Variants in CCSER1 observed in about 807,000 individuals in gnomAD.
The protein encoded by CCSER1 is serine-rich coiled-coil domain-containing protein 1.
In CCSER1, 41 loss-of-function variants were observed where a neutral mutation model predicts 82.0. That is an observed-to-expected ratio of 0.50 (90% CI 0.39 to 0.65). The LOEUF (loss-of-function observed/expected upper bound fraction) is 0.65. Ranked by LOEUF, CCSER1 falls within the 30% of genes least tolerant of loss-of-function variation. The pLI is 0.00. For synonymous variants in CCSER1, 414 were observed against 383.9 expected (o/e 1.08, Z -0.92); for missense variants, 1,119 against 1,064.2 (o/e 1.05, Z -0.72).
intron 9 of CCSER1, among the ~76,000 whole-genome samples, chr4:90,980,516 C>T (rs1357529711): frequency 6.6e-6 from 1 of 151,768 alleles, no homozygotes; most frequent in African/African-American, 2.4e-5. Context: ...ACTTTGAATT[C>T]TTGATGAACA....
chr4:91,291,384 C>T (rs944558812), intron 10 of CCSER1, among the ~76,000 whole-genome samples: 15 of 151,946 alleles, frequency 9.9e-5, no homozygotes, highest in African/African-American at 3.6e-4. Context: ...TGTTAGTTCT[C>T]GCACTGCTAC....
intron 8 of CCSER1, among the ~76,000 whole-genome samples, chr4:90,864,711 C>G (rs1450939563): frequency 6.6e-6 from 1 of 152,038 alleles, no homozygotes; most frequent in African/African-American, 2.4e-5. Context: ...CATCCCTTGA[C>G]AATCTATGGG....
intron 5 of CCSER1, among the ~76,000 whole-genome samples, chr4:90,610,176 C>T (rs192779090): frequency 5.9e-5 from 9 of 151,920 alleles, no homozygotes; most frequent in Non-Finnish European, 1.2e-4. Flanking sequence ...TGGTGTGAAC[C>T]CAGGAGGCGG....
intron 1 of CCSER1, among the ~76,000 whole-genome samples, chr4:90,242,067 G>C (rs1746960528): frequency 1.3e-5 from 2 of 152,172 alleles, no homozygotes; most frequent in Admixed American, 1.3e-4. Flanking sequence ...AGCACTTTTG[G>C]AAGCCGAGGT....
chr4:90,935,849 T>C (rs568087655), intron 9 of CCSER1, among the ~76,000 whole-genome samples: 1 of 151,820 alleles, frequency 6.6e-6, no homozygotes, highest in South Asian at 2.1e-4. Context: ...ATGTACTATG[T>C]GGTTCTCTTT....
intron 10 of CCSER1, among the ~76,000 whole-genome samples, chr4:91,463,209 C>T (rs1756617415): frequency 6.6e-6 from 1 of 152,216 alleles, no homozygotes; most frequent in African/African-American, 2.4e-5. Flanking sequence ...GCAATAATCG[C>T]TGTTCTGCAG....
chr4:90,952,101 C>T (rs1732976648), intron 9 of CCSER1, among the ~76,000 whole-genome samples: 1 of 151,944 alleles, frequency 6.6e-6, no homozygotes, highest in South Asian at 2.1e-4. Context: ...TGGAGGCATA[C>T]ATGCATACAT....
intron 10 of CCSER1, among the ~76,000 whole-genome samples, chr4:91,204,175 T>G (rs1322505807): frequency 6.6e-6 from 1 of 151,892 alleles, no homozygotes; most frequent in Non-Finnish European, 1.5e-5. Context: ...AGGAATGGTC[T>G]CTGTCCTCAA....
intron 5 of CCSER1, among the ~76,000 whole-genome samples, chr4:90,481,964 A>T (rs1286172591): frequency 1.3e-5 from 2 of 152,228 alleles, no homozygotes; most frequent in Non-Finnish European, 2.9e-5. Flanking sequence ...TGCTCCTTGT[A>T]CCTCTGGTAG....
At chr4:90,972,434 GAAAT>G (rs1371837210) in intron 9 of CCSER1, among the ~76,000 whole-genome samples, 3 of 151,064 alleles carry the variant, frequency 2.0e-5, no homozygotes, top group Admixed American at 2.0e-4. Flanking sequence ...AATATCATAA[GAAAT>G]AAAAAAAACT....
At chr4:90,534,455 G>GTT (rs1408446320) in intron 5 of CCSER1, among the ~76,000 whole-genome samples, 6 of 149,412 alleles carry the variant, frequency 4.0e-5, no homozygotes, top group Non-Finnish European at 7.5e-5. Flanking sequence ...GTGTGTGTGT[G>GTT]TGTGTGTGTG....
At chr4:91,034,736 A>G (rs1037142324) in intron 9 of CCSER1, among the ~76,000 whole-genome samples, 2 of 152,180 alleles carry the variant, frequency 1.3e-5, no homozygotes, top group Non-Finnish European at 2.9e-5. Flanking sequence ...TTGATGTTCA[A>G]ATGTATAAAG....
intron 5 of CCSER1, among the ~76,000 whole-genome samples, chr4:90,539,407 C>G (rs1328616727): frequency 6.6e-6 from 1 of 152,044 alleles, no homozygotes; most frequent in East Asian, 1.9e-4. Flanking sequence ...AGATTAAACT[C>G]AGACTTTCCT....
chr4:90,591,611 T>C (rs7665912), intron 5 of CCSER1, among the ~76,000 whole-genome samples: 74,776 of 152,092 alleles, frequency 0.49, 22,732 homozygotes, highest in African/African-American at 0.86. Context: ...TCAACCATTG[T>C]GGAAGATGGT....
At chr4:91,404,726 G>A (rs923955647) in intron 10 of CCSER1, among the ~76,000 whole-genome samples, 2 of 152,070 alleles carry the variant, frequency 1.3e-5, no homozygotes, top group Non-Finnish European at 2.9e-5. Flanking sequence ...TCTTAGTCCC[G>A]AGCTCTAGTT....
At chr4:91,059,716 C>T (rs1283160661) in intron 9 of CCSER1, among the ~76,000 whole-genome samples, 1 of 151,904 alleles carries the variant, frequency 6.6e-6, no homozygotes, top group South Asian at 2.1e-4. Flanking sequence ...GACCATGTGA[C>T]CACTTCCTAG....
chr4:91,241,630 A>G (rs1257762919), intron 10 of CCSER1, among the ~76,000 whole-genome samples: 1 of 152,168 alleles, frequency 6.6e-6, no homozygotes, highest in Non-Finnish European at 1.5e-5. Context: ...CTGGCCAGCC[A>G]TAAAATACTT....
At chr4:90,976,053 T>G (rs898720465) in intron 9 of CCSER1, among the ~76,000 whole-genome samples, 3 of 151,260 alleles carry the variant, frequency 2.0e-5, no homozygotes, top group Non-Finnish European at 4.4e-5. Flanking sequence ...TTTTAAAAAG[T>G]CAGAGGTTTA....
chr4:90,824,145 A>C (rs1328964312), intron 8 of CCSER1, among the ~76,000 whole-genome samples: 1 of 152,068 alleles, frequency 6.6e-6, no homozygotes, highest in South Asian at 2.1e-4. Context: ...AAAAATGTTT[A>C]AAAACATGTA....
Sources: allele counts gnomAD v4.1 joint callset (sites outside exome capture counted in the v4.1 genomes callset), GRCh38; gene constraint gnomAD v4.1.1; transcripts MANE v1.5; gene names NCBI Gene and HGNC (gene_info 2026-07-23, HGNC 2026-07-21).